Variants in RTN4RL1 observed in about 807,000 individuals in gnomAD.
RTN4RL1 encodes the protein reticulon-4 receptor-like 1.
Under a neutral mutation model 25.6 loss-of-function variants are expected in RTN4RL1, and 7 were observed. That is an observed-to-expected ratio of 0.27 (90% CI 0.16 to 0.51). The LOEUF is 0.51. RTN4RL1 is among the 20% of genes least tolerant of loss of function. The probability of loss-of-function intolerance (pLI) is 0.97; values close to 1 mark genes in which losing one functional copy is unlikely to be tolerated. For missense variants in RTN4RL1, 500 were observed against 615.6 expected (o/e 0.81, Z 1.99); for synonymous variants, 297 against 288.2 (o/e 1.03, Z -0.31).
chr17:1,936,318 G>A lies in RTN4RL1; in HGVS notation c.*178C>T. On this transcript the variant is annotated 3_prime_UTR_variant, in exon 2 of 2. Coordinates refer to ENST00000331238, the MANE Select transcript of RTN4RL1 (RefSeq NM_178568.4). ...GAAGCGCCACCCCCTCCCGCCTAGG[G>A]CTGTACACTTTGGGTTTATAATCCA... 3.5e-6 allele frequency: 5 copies of A among 1,422,104 alleles called. No homozygotes were observed. Among genetic ancestry groups the A allele is most frequent in the Non-Finnish European group, 4.6e-6 (5 of 1,094,678 alleles). 88.1% of individuals were successfully genotyped at this position (1,422,104 alleles called of 1,614,324 possible).
intron 1 of RTN4RL1, among the ~76,000 whole-genome samples, chr17:2,016,773 C>G (rs1296221857): frequency 6.6e-6 from 1 of 152,238 alleles, no homozygotes; most frequent in East Asian, 1.9e-4. Context: ...TCCGGCCTGC[C>G]CAGGTGCCCC....
intron 1 of RTN4RL1, among the ~76,000 whole-genome samples, chr17:1,955,343 T>C (rs1915769764): frequency 6.6e-6 from 1 of 151,872 alleles, no homozygotes; most frequent in South Asian, 2.1e-4. Flanking sequence ...ATGGCTTGAG[T>C]CCAGGGGTTT....
intron 1 of RTN4RL1, among the ~76,000 whole-genome samples, chr17:1,975,060 G>A (rs908950223): frequency 1.3e-5 from 2 of 152,156 alleles, no homozygotes; most frequent in African/African-American, 2.4e-5. Flanking sequence ...TGGCACCTGC[G>A]GCACCCCCAC....
chr17:1,947,420 C>T (rs1005987559), intron 1 of RTN4RL1, among the ~76,000 whole-genome samples: 6 of 152,300 alleles, frequency 3.9e-5, no homozygotes, highest in East Asian at 1.9e-4. Context: ...GAAAAGGGAG[C>T]GGGGCCCTGT....
At chr17:2,014,419 G>A (rs947505062) in intron 1 of RTN4RL1, among the ~76,000 whole-genome samples, 2 of 152,216 alleles carry the variant, frequency 1.3e-5, no homozygotes, top group African/African-American at 2.4e-5. Context: ...TTCAAGGCAT[G>A]GAGGGACCTT....
chr17:1,973,693 G>A (rs530162528), intron 1 of RTN4RL1, among the ~76,000 whole-genome samples: 4 of 152,138 alleles, frequency 2.6e-5, no homozygotes, highest in South Asian at 2.1e-4. Flanking sequence ...CCCCAGCCCC[G>A]CATGTTAGCT....
chr17:1,968,115 C>T (rs2066800896), intron 1 of RTN4RL1, among the ~76,000 whole-genome samples: 1 of 152,168 alleles, frequency 6.6e-6, no homozygotes, highest in Non-Finnish European at 1.5e-5. Flanking sequence ...TGGGAGCCAC[C>T]GTGACCTGTG....
chr17:1,984,975 A>C (rs1421112786), intron 1 of RTN4RL1, among the ~76,000 whole-genome samples: 1 of 152,218 alleles, frequency 6.6e-6, no homozygotes. Context: ...CTCAAAAAAA[A>C]AAAGAAAAAA....
intron 1 of RTN4RL1, among the ~76,000 whole-genome samples, chr17:1,954,585 A>G (rs906835573): frequency 6.6e-6 from 1 of 151,774 alleles, no homozygotes; most frequent in Non-Finnish European, 1.5e-5. Flanking sequence ...ACGGGGTTTC[A>G]CCATGTTGGC....
At chr17:2,021,753 C>T (rs925281947) in intron 1 of RTN4RL1, among the ~76,000 whole-genome samples, 2 of 151,306 alleles carry the variant, frequency 1.3e-5, no homozygotes, top group Non-Finnish European at 2.9e-5. Context: ...CGGGGTTTCA[C>T]CATGTTGGCC....
At chr17:2,024,377 G>A (rs2067247318) in intron 1 of RTN4RL1, among the ~76,000 whole-genome samples, 1 of 152,198 alleles carries the variant, frequency 6.6e-6, no homozygotes, top group African/African-American at 2.4e-5. Flanking sequence ...CCGCGTCCGG[G>A]CCCCGTCTGG....
chr17:1,950,156 G>A (rs1306389004), intron 1 of RTN4RL1, among the ~76,000 whole-genome samples: 1 of 152,180 alleles, frequency 6.6e-6, no homozygotes, highest in East Asian at 1.9e-4. Context: ...TGGAGGGTGA[G>A]TTGGGGGGGA....
intron 1 of RTN4RL1, among the ~76,000 whole-genome samples, chr17:1,944,279 A>G (rs1257528871): frequency 1.3e-5 from 2 of 152,134 alleles, no homozygotes; most frequent in Non-Finnish European, 2.9e-5. Flanking sequence ...AAAATGGGGC[A>G]GTCATTTAAA....
intron 1 of RTN4RL1, among the ~76,000 whole-genome samples, chr17:1,969,405 T>G (rs746153305): frequency 6.6e-5 from 10 of 152,120 alleles, no homozygotes; most frequent in Admixed American, 6.6e-4. Flanking sequence ...CAAGGACCTC[T>G]GCAACAGTCT....
chr17:1,936,341 C>A lies in RTN4RL1; in HGVS notation c.*155G>T. Reference sequence around the variant, plus strand: ...GGGCTGTACACTTTGGGTTTATAATCCACATGGCAGGGTCCAGACGTCCAG... The same window carrying A: ...GGGCTGTACACTTTGGGTTTATAATACACATGGCAGGGTCCAGACGTCCAG... On this transcript the variant is annotated 3_prime_UTR_variant, in exon 2 of 2. Coordinates refer to ENST00000331238, the MANE Select transcript of RTN4RL1 (RefSeq NM_178568.4). 1 of 1,427,834 alleles carries A rather than the reference C, an allele frequency of 7.0e-7. No homozygotes were observed. The highest frequency in any genetic ancestry group is 9.1e-7 in the Non-Finnish European group (1 of 1,097,268). The allele number at this position is 1,427,834 out of a possible 1,614,324, so 88.4% of individuals were successfully genotyped here.
chr17:1,947,546 C>T (rs1291065915), intron 1 of RTN4RL1, among the ~76,000 whole-genome samples: 3 of 152,248 alleles, frequency 2.0e-5, no homozygotes, highest in Non-Finnish European at 4.4e-5. Flanking sequence ...CCCTCCAGCA[C>T]GCCAGGATCG....
At chr17:1,953,073 AAAAATAAAATAAAAT>A (rs1032453196) in intron 1 of RTN4RL1, among the ~76,000 whole-genome samples, 4 of 151,614 alleles carry the variant, frequency 2.6e-5, no homozygotes, top group African/African-American at 9.7e-5. Context: ...TCTAGTTTCA[AAAAATAAAATAAAAT>A]AAAATAAAAT....
chr17:2,013,249 C>G (rs1168560330), intron 1 of RTN4RL1, among the ~76,000 whole-genome samples: 1 of 152,172 alleles, frequency 6.6e-6, no homozygotes. Flanking sequence ...CCAACACATA[C>G]AGACCCCCAG....
In RTN4RL1 at chr17:1,936,168, C is replaced by T; in HGVS notation, c.*328G>A. On this transcript the variant is annotated 3_prime_UTR_variant, in exon 2 of 2. Transcript: ENST00000331238. ...ATCGGGATTCCACAGAGCCCCGGTG[C>T]CGCCGTCGGGGGCAATTGTCCCACT... The T allele has an allele frequency of 8.8e-7, 1 of 1,140,030 alleles. No individual in the cohort carries two copies. Among genetic ancestry groups the T allele is most frequent in the Non-Finnish European group, 1.1e-6 (1 of 927,254 alleles). The allele number at this position is 1,140,030 out of a possible 1,614,324, so 70.6% of individuals were successfully genotyped here. A position where few individuals can be genotyped will look rare whatever the true frequency, so the allele number is the denominator to read the frequency against.
Sources: allele counts gnomAD v4.1 joint callset (sites outside exome capture counted in the v4.1 genomes callset), GRCh38; gene constraint gnomAD v4.1.1; transcripts MANE v1.5; gene names NCBI Gene and HGNC (gene_info 2026-07-23, HGNC 2026-07-21).